Variants in ADCY8 observed in about 807,000 individuals in gnomAD.
ADCY8 encodes the protein adenylate cyclase type 8.
A neutral mutation model predicts 119.7 loss-of-function variants in ADCY8; 51 were observed. That is an observed-to-expected ratio of 0.43 (90% CI 0.34 to 0.54). The LOEUF (loss-of-function observed/expected upper bound fraction) is 0.54, where lower values mean the gene tolerates loss of function less well. ADCY8 is among the 20% of genes least tolerant of loss of function. The pLI is 0.03. For missense variants in ADCY8, 1,383 were observed against 1,598.8 expected, an observed-to-expected ratio of 0.87 and a Z score of 2.30; for synonymous variants, 665 against 651.0, an observed-to-expected ratio of 1.02 and a Z score of -0.33.
chr8:130,917,813 C>T (rs1820175794), intron 5 of ADCY8, among the ~76,000 whole-genome samples: 1 of 151,148 alleles, frequency 6.6e-6, no homozygotes, highest in Non-Finnish European at 1.5e-5. Flanking sequence ...ACCATTGGTG[C>T]TTCTTTTATT....
intron 1 of ADCY8, among the ~76,000 whole-genome samples, chr8:131,017,866 C>T (rs1250725175): frequency 6.6e-6 from 1 of 152,006 alleles, no homozygotes; most frequent in Non-Finnish European, 1.5e-5. Flanking sequence ...ACCAGGTTAG[C>T]AGCCTGCTCA....
At chr8:130,921,449 C>CTTTTTTTT (rs35570520) in intron 5 of ADCY8, among the ~76,000 whole-genome samples, 2 of 107,656 alleles carry the variant, frequency 1.9e-5, no homozygotes, top group Non-Finnish European at 2.0e-5. Flanking sequence ...TTTTTCTTTT[C>CTTTTTTTT]TTTTTTTTTT....
chr8:130,790,244 A>G (rs184597276), intron 15 of ADCY8, among the ~76,000 whole-genome samples: 109 of 152,308 alleles, frequency 7.2e-4, no homozygotes, highest in African/African-American at 2.5e-3. Context: ...AAGCCATGGC[A>G]CATTTCAATT....
chr8:130,871,315 T>C (rs1818346068), intron 8 of ADCY8, among the ~76,000 whole-genome samples: 1 of 152,190 alleles, frequency 6.6e-6, no homozygotes, highest in Non-Finnish European at 1.5e-5. Flanking sequence ...ACTTATCCTT[T>C]TATATCTCAG....
chr8:130,835,798 C>A (rs1816967628), intron 12 of ADCY8, among the ~76,000 whole-genome samples: 1 of 152,046 alleles, frequency 6.6e-6, no homozygotes. Flanking sequence ...AGTTGTTAAA[C>A]TATACTGTTT....
intron 1 of ADCY8, among the ~76,000 whole-genome samples, chr8:131,014,699 G>A (rs1334354405): frequency 6.6e-6 from 1 of 152,102 alleles, no homozygotes; most frequent in African/African-American, 2.4e-5. Flanking sequence ...TGAGAACACA[G>A]GGAATCTACT....
At chr8:130,991,543 G>A (rs531261677) in intron 1 of ADCY8, among the ~76,000 whole-genome samples, 2 of 152,354 alleles carry the variant, frequency 1.3e-5, no homozygotes, top group Admixed American at 6.5e-5. Context: ...CCAAAAGACA[G>A]ACTTTCTTTT....
chr8:130,842,575 T>C (rs1817178522), intron 11 of ADCY8, among the ~76,000 whole-genome samples: 1 of 152,200 alleles, frequency 6.6e-6, no homozygotes, highest in Non-Finnish European at 1.5e-5. Flanking sequence ...AATACAGTTA[T>C]AGCAATTATT....
In ADCY8 at chr8:131,040,459, T is replaced by G. The variant is rs1824356261; in HGVS notation, c.-126A>C. 8.2e-7 allele frequency: 1 copy of G among 1,223,940 alleles called. No homozygotes were observed. The highest frequency in any genetic ancestry group is 1.1e-6 in the Non-Finnish European group (1 of 945,722). 75.8% of individuals were successfully genotyped at this position (1,223,940 alleles called of 1,614,324 possible). On this transcript the variant is annotated 5_prime_UTR_variant, in exon 1 of 18. Transcript: ENST00000286355. ...TCCTTTTTATCCTAGGCTGCCCCGT[T>G]GCAGGAGCCCTGCGCTAGGGCTCCC...
intron 1 of ADCY8, among the ~76,000 whole-genome samples, chr8:130,991,637 G>C (rs1041493405): frequency 1.2e-4 from 18 of 152,186 alleles, no homozygotes; most frequent in African/African-American, 4.3e-4. Context: ...AGATAATTCA[G>C]TCTTAACCAT....
rs1231532555 is a variant in ADCY8 at position 130,785,491 on chromosome 8, G to A, written c.3061-16C>T. The A allele has an allele frequency of 6.3e-7, 1 of 1,596,896 alleles. No homozygotes were observed. Among genetic ancestry groups the A allele is most frequent in the Non-Finnish European group, 8.5e-7 (1 of 1,169,768 alleles). On this transcript the variant is annotated splice_polypyrimidine_tract_variant and intron_variant, in intron 15 of 17. Coordinates refer to ENST00000286355, the MANE Select transcript of ADCY8 (RefSeq NM_001115.3). ...CACCAAGCAACTGAAAGAGAGCCAG[G>A]CAATGGTGTTAGCCCTGGTGTTTAT...
chr8:130,835,075 T>A (rs73716638), intron 12 of ADCY8, among the ~76,000 whole-genome samples: 8,994 of 152,304 alleles, frequency 0.059, 261 homozygotes, highest in Non-Finnish European at 0.07. Flanking sequence ...GCATATTTTC[T>A]TAGCCTTCTT....
intron 5 of ADCY8, chr8:130,935,505 C>T (rs1820756402): frequency 6.6e-6 from 1 of 152,252 alleles, no homozygotes; most frequent in Non-Finnish European, 1.5e-5. Context: ...CCTCTGTGTC[C>T]CTCCTGACAG....
chr8:130,903,657 T>C (rs969333199), intron 7 of ADCY8, 115 bp downstream of exon 7: 26 of 1,165,200 alleles, frequency 2.2e-5, no homozygotes, highest in Middle Eastern at 2.9e-4. Context: ...TTTGCAATTA[T>C]GGTGTTCATT....
chr8:130,845,794 A>G (rs1440980480), intron 11 of ADCY8, among the ~76,000 whole-genome samples: 1 of 152,122 alleles, frequency 6.6e-6, no homozygotes, highest in Non-Finnish European at 1.5e-5. Flanking sequence ...AGAATAAGGT[A>G]GATATGGTTC....
chr8:130,972,423 C>A (rs1298769990), intron 2 of ADCY8, among the ~76,000 whole-genome samples: 1 of 152,080 alleles, frequency 6.6e-6, no homozygotes, highest in African/African-American at 2.4e-5. Context: ...CACATACAGA[C>A]AATGAAACAG....
intron 8 of ADCY8, among the ~76,000 whole-genome samples, chr8:130,882,136 T>C (rs1435450): frequency 8.0e-6 from 1 of 125,502 alleles, no homozygotes; most frequent in Admixed American, 8.4e-5. Context: ...TTTTTTTTTT[T>C]CCTTTCTGAG....
At chr8:130,814,256 A>G in intron 13 of ADCY8, 29 bp from the exon 14 acceptor site, 1 of 1,611,890 alleles carries the variant, frequency 6.2e-7, no homozygotes, top group African/African-American at 1.3e-5. Context: ...AAAGAGGAGA[A>G]TGAGGTAAAC....
At chr8:131,028,892 G>A (rs1019209920) in intron 1 of ADCY8, among the ~76,000 whole-genome samples, 4 of 152,182 alleles carry the variant, frequency 2.6e-5, no homozygotes, top group Admixed American at 2.6e-4. Context: ...AGCTGTACCT[G>A]TATGTACCCA....
Sources: allele counts gnomAD v4.1 joint callset (sites outside exome capture counted in the v4.1 genomes callset), GRCh38; gene constraint gnomAD v4.1.1; transcripts MANE v1.5; gene names NCBI Gene and HGNC (gene_info 2026-07-23, HGNC 2026-07-21).